Variants in TNRC6C observed in about 807,000 individuals in gnomAD.
TNRC6C encodes trinucleotide repeat containing adaptor 6C.
Under a neutral mutation model 153.7 loss-of-function variants are expected in TNRC6C, and 20 were observed. The observed-to-expected ratio is 0.13, with a 90% CI of 0.09 to 0.19. The LOEUF (loss-of-function observed/expected upper bound fraction) is 0.19. Among genes scored for constraint, TNRC6C ranks in the 10% least tolerant of loss-of-function variants. The pLI, the probability that TNRC6C is intolerant of heterozygous loss-of-function variation, is 1.00. For synonymous variants in TNRC6C, 811 were observed against 841.4 expected (o/e 0.96, Z 0.63); for missense variants, 1,987 against 2,172.0 (o/e 0.91, Z 1.69).
chr17:78,032,775 G>C (rs28686468), intron 2 of TNRC6C, among the ~76,000 whole-genome samples: 8,750 of 152,200 alleles, frequency 0.057, 607 homozygotes, highest in African/African-American at 0.17. Context: ...CTAGCATGAC[G>C]TAGAAGTATT....
chr17:78,060,354 G>C (rs148194115), intron 3 of TNRC6C, among the ~76,000 whole-genome samples: 1 of 151,888 alleles, frequency 6.6e-6, no homozygotes, highest in Non-Finnish European at 1.5e-5. Flanking sequence ...TTTAAAGGCC[G>C]TTGGTATGAG....
upstream of TNRC6C, among the ~76,000 whole-genome samples, chr17:78,003,318 A>C (rs181395452): frequency 1.4e-3 from 207 of 152,326 alleles, 2 homozygotes; most frequent in Admixed American, 0.011. Context: ...TTCAGATCAG[A>C]GAGTATCTAA....
chr17:78,030,593 C>T (rs2072051800), intron 1 of TNRC6C, among the ~76,000 whole-genome samples: 1 of 152,132 alleles, frequency 6.6e-6, no homozygotes, highest in African/African-American at 2.4e-5. Context: ...CAGTTGTTGA[C>T]TCAAACGTCA....
exon 5 of TNRC6C, chr17:78,067,872 C>T (rs777343463): frequency 1.9e-6 from 3 of 1,613,794 alleles, no homozygotes; most frequent in Non-Finnish European, 1.7e-6. Context: ...CCCAAGAAAG[C>T]ACCTCCTCCT....
intron 1 of TNRC6C, among the ~76,000 whole-genome samples, chr17:77,988,375 A>G (rs1410377960): frequency 2.0e-5 from 3 of 151,504 alleles, no homozygotes; most frequent in Non-Finnish European, 4.4e-5. Context: ...CTATCTCTTT[A>G]TACACACACA....
chr17:78,044,855 A>G (rs2072374175), intron 2 of TNRC6C, among the ~76,000 whole-genome samples: 2 of 152,234 alleles, frequency 1.3e-5, no homozygotes, highest in Non-Finnish European at 2.9e-5. Context: ...GAAGACTGTT[A>G]CAATGAATGT....
intron 13 of TNRC6C, among the ~76,000 whole-genome samples, chr17:78,089,438 T>G (rs956660994): frequency 6.6e-6 from 1 of 152,224 alleles, no homozygotes; most frequent in African/African-American, 2.4e-5. Context: ...ACTTTGGTTG[T>G]AAAATTGCCT....
intron 1 of TNRC6C, among the ~76,000 whole-genome samples, chr17:77,972,237 G>T (rs2070945416): frequency 6.6e-6 from 1 of 152,160 alleles, no homozygotes; most frequent in African/African-American, 2.4e-5. Flanking sequence ...AGAGGGCCAG[G>T]CGCGGTGGCA....
At chr17:78,098,347 A>C in exon 17 of TNRC6C, 1 of 1,609,768 alleles carries the variant, frequency 6.2e-7, no homozygotes. Context: ...TTCTAGGTAA[A>C]CTGTCAGACA....
At chr17:77,972,393 T>A (rs372641989) in intron 1 of TNRC6C, among the ~76,000 whole-genome samples, 123 of 151,950 alleles carry the variant, frequency 8.1e-4, no homozygotes, top group African/African-American at 2.6e-3. Flanking sequence ...GTACCTGTAA[T>A]CCCAGCTACT....
chr17:78,077,257 C>T, exon 9 of TNRC6C: 2 of 1,599,680 alleles, frequency 1.3e-6, no homozygotes, highest in Middle Eastern at 1.7e-4. Flanking sequence ...CCCCCTTTCA[C>T]ACAGTGCACT....
chr17:78,059,859 A>AG (rs58325526), intron 3 of TNRC6C, among the ~76,000 whole-genome samples: 3,285 of 151,928 alleles, frequency 0.022, 126 homozygotes, highest in African/African-American at 0.074. Flanking sequence ...AAAAAAAAAA[A>AG]AAAAGAAAAA....
chr17:77,999,177 C>T (rs936518054), upstream of TNRC6C, among the ~76,000 whole-genome samples: 1 of 152,224 alleles, frequency 6.6e-6, no homozygotes, highest in African/African-American at 2.4e-5. Flanking sequence ...ATTCCCTTTT[C>T]CAGCTGATTT....
At chr17:77,972,154 T>C (rs1196812942) in intron 1 of TNRC6C, among the ~76,000 whole-genome samples, 2 of 151,850 alleles carry the variant, frequency 1.3e-5, no homozygotes, top group African/African-American at 2.4e-5. Flanking sequence ...ATCAACAAAA[T>C]TGACAAACCC....
intron 1 of TNRC6C, among the ~76,000 whole-genome samples, chr17:78,021,312 G>T (rs144501789): frequency 2.6e-5 from 4 of 152,252 alleles, no homozygotes; most frequent in Non-Finnish European, 5.9e-5. Flanking sequence ...GCACAAAGGC[G>T]TCTCTGAGGG....
chr17:77,967,225 A>G (rs1044951768), intron 1 of TNRC6C, among the ~76,000 whole-genome samples: 2 of 152,208 alleles, frequency 1.3e-5, no homozygotes, highest in Non-Finnish European at 2.9e-5. Flanking sequence ...TTCCTTGCAG[A>G]TTAATGCTTT....
chr17:78,051,259 G>A (rs1177537752), exon 3 of TNRC6C: 11 of 1,555,404 alleles, frequency 7.1e-6, no homozygotes, highest in East Asian at 2.4e-5. Flanking sequence ...AGCTTGGGGG[G>A]ACCCAAGCAA....
intron 1 of TNRC6C, among the ~76,000 whole-genome samples, chr17:78,013,577 A>G (rs1598686715): frequency 6.6e-6 from 1 of 152,216 alleles, no homozygotes. Flanking sequence ...TCCCACTCTC[A>G]TGGAGCTGAG....
At chr17:78,092,026 T>C (rs1160564461) in intron 14 of TNRC6C, among the ~76,000 whole-genome samples, 1 of 152,188 alleles carries the variant, frequency 6.6e-6, no homozygotes, top group Non-Finnish European at 1.5e-5. Flanking sequence ...GTTATTCCCC[T>C]CCATCCAAGC....
Sources: allele counts gnomAD v4.1 joint callset (sites outside exome capture counted in the v4.1 genomes callset), GRCh38; gene constraint gnomAD v4.1.1; transcripts MANE v1.5; gene names NCBI Gene and HGNC (gene_info 2026-07-23, HGNC 2026-07-21).